FBXO9: variants seen among roughly 807,000 people sequenced by gnomAD.
FBXO9 encodes the protein F-box only protein 9.
A neutral mutation model predicts 63.7 loss-of-function variants in FBXO9; 43 were observed. The ratio of observed to expected loss-of-function variants is 0.67; its 90% CI spans 0.53 to 0.87. The LOEUF is 0.87. Ranked by LOEUF, FBXO9 falls within the 40% of genes least tolerant of loss-of-function variation. FBXO9 has a pLI of 0.00. For missense variants in FBXO9, 442 were observed against 533.2 expected (o/e 0.83, Z 1.68); for synonymous variants, 156 against 171.7 (o/e 0.91, Z 0.72).
rs1312826579 is a variant in FBXO9 at position 53,092,787 on chromosome 6, G to A, written c.826G>A (p.Gly276Ser). 5 of 1,612,358 alleles carry A rather than the reference G, an allele frequency of 3.1e-6. No individual in the cohort carries two copies. The highest frequency in any genetic ancestry group is 4.2e-6 in the Non-Finnish European group (5 of 1,178,908). ...TCGTCAAGGGGAACAGTCTCTTGAT[G>A]GTTTCTATAGAGCCTGGCACCAAGT... ...YIRQGEQSLD[G>S]FYRAWHQVEY... is the part of the protein sequence containing the mutation. Residue 276 changes from glycine to serine, a missense_variant, in exon 9 of 13, where the codon GGT (glycine) becomes AGT (serine). This residue lies in a region of FBXO9 where 262 missense variants were observed against 362.1 expected (regional missense o/e 0.72). Coordinates refer to ENST00000323557, the MANE Select transcript of FBXO9 (RefSeq NM_033480.3).
chr6:53,082,472 G>A (rs1233887017), intron 6 of FBXO9, 32 bp from the exon 7 acceptor site: 3 of 1,403,692 alleles, frequency 2.1e-6, no homozygotes, highest in Middle Eastern at 1.8e-4. Flanking sequence ...TGACATAGAG[G>A]AGAGTCACTG....
chr6:53,070,586 CTA>C (rs1190979280), intron 1 of FBXO9, among the ~76,000 whole-genome samples: 1 of 152,042 alleles, frequency 6.6e-6, no homozygotes, highest in Non-Finnish European at 1.5e-5. Context: ...ACTACAAGAA[CTA>C]TTTACATGGC....
intron 1 of FBXO9, among the ~76,000 whole-genome samples, chr6:53,066,452 C>G (rs906372970): frequency 2.6e-5 from 4 of 152,226 alleles, no homozygotes. Context: ...TATTGGAATA[C>G]GTAGTCTCTG....
chr6:53,081,930 G>A (rs567371500), intron 6 of FBXO9, among the ~76,000 whole-genome samples: 4 of 152,154 alleles, frequency 2.6e-5, no homozygotes, highest in Middle Eastern at 6.8e-3. Flanking sequence ...TTAGCTGGGC[G>A]TCGTGGCGCA....
At chr6:53,077,783 G>A (rs1769171366) in intron 4 of FBXO9, among the ~76,000 whole-genome samples, 2 of 152,182 alleles carry the variant, frequency 1.3e-5, no homozygotes, top group Admixed American at 1.3e-4. Flanking sequence ...AAGTCCCTGT[G>A]CAGCCTTCAT....
At chr6:53,088,232 G>A (rs983409784) in intron 7 of FBXO9, among the ~76,000 whole-genome samples, 7 of 151,852 alleles carry the variant, frequency 4.6e-5, no homozygotes, top group African/African-American at 1.7e-4. Context: ...TGGTTCACAT[G>A]TCATAAGCAG....
chr6:53,093,999 T>A (rs1371252795), intron 11 of FBXO9, 21 bp downstream of exon 11: 2 of 1,474,494 alleles, frequency 1.4e-6, no homozygotes, highest in East Asian at 5.0e-5. Flanking sequence ...GAGGTGTAAT[T>A]AATAGTTTTC....
intron 7 of FBXO9, among the ~76,000 whole-genome samples, chr6:53,086,917 T>A (rs1333552981): frequency 6.6e-6 from 1 of 151,828 alleles, no homozygotes; most frequent in African/African-American, 2.4e-5. Flanking sequence ...ATTAGCTGGG[T>A]GTGGTGGTGC....
At chr6:53,091,224 G>A (rs1206051040) in intron 7 of FBXO9, 1 of 152,200 alleles carries the variant, frequency 6.6e-6, no homozygotes, top group African/African-American at 2.4e-5. Context: ...AATAGTCTCT[G>A]CACTCCAGCG....
intron 5 of FBXO9, 142 bp from the exon 6 acceptor site, chr6:53,080,826 T>A: frequency 1.2e-6 from 1 of 808,928 alleles, no homozygotes; most frequent in Non-Finnish European, 1.9e-6. Context: ...GATAAATTCA[T>A]CACATTTAAA....
At chr6:53,084,314 G>C (rs1439421596) in intron 7 of FBXO9, among the ~76,000 whole-genome samples, 2 of 152,076 alleles carry the variant, frequency 1.3e-5, no homozygotes, top group Non-Finnish European at 2.9e-5. Context: ...GATTTATCTA[G>C]GTACAGCATG....
rs1352604729 is a variant in FBXO9 at position 53,098,851 on chromosome 6, T to C, written c.*1021T>C. On this transcript the variant is annotated 3_prime_UTR_variant, in exon 13 of 13. Coordinates refer to ENST00000323557, the MANE Select transcript of FBXO9 (RefSeq NM_033480.3). ...GCACCAGCCACCTAGGAAAACTGTA[T>C]GTTACCTTTTTACTCAAAGGAGTCC... 4 of 152,220 alleles carry C rather than the reference T, an allele frequency of 2.6e-5. No individual in the cohort carries two copies. The highest frequency in any genetic ancestry group is 7.2e-5 in the African/African-American group (3 of 41,446). 9.4% of individuals were successfully genotyped at this position (152,220 alleles called of 1,614,324 possible). A position where few individuals can be genotyped will look rare whatever the true frequency, so the allele number is the denominator to read the frequency against.
In FBXO9 at chr6:53,080,958, CT is replaced by C; in HGVS notation, c.408-4del. The stretch of plus-strand genomic sequence containing the variant: ...TGAGGCACTTAATTTATTCACCTCC[CT>C]TTTTTCAGCATTGAAGATAATGATG... On this transcript the variant is annotated splice_polypyrimidine_tract_variant and intron_variant, in intron 5 of 12. Transcript: ENST00000323557. 4 of 1,613,176 alleles carry C rather than the reference CT, an allele frequency of 2.5e-6. No homozygotes were observed. The highest frequency in any genetic ancestry group is 2.5e-6 in the Non-Finnish European group (3 of 1,179,704).
intron 7 of FBXO9, chr6:53,090,901 G>A (rs1763021903): frequency 6.6e-6 from 1 of 151,980 alleles, no homozygotes; most frequent in Non-Finnish European, 1.5e-5. Flanking sequence ...ATTTTTTTAA[G>A]AGACAGGGTC....
chr6:53,071,377 C>T (rs1454944571), intron 2 of FBXO9, among the ~76,000 whole-genome samples: 1 of 152,178 alleles, frequency 6.6e-6, no homozygotes, highest in Non-Finnish European at 1.5e-5. Flanking sequence ...CTAAGGCTTA[C>T]GCATGACTCA....
chr6:53,065,832 C>A, intron 1 of FBXO9, 40 bp downstream of exon 1: 1 of 1,314,232 alleles, frequency 7.6e-7, no homozygotes, highest in African/African-American at 1.5e-5. Context: ...CGCCGCGGGG[C>A]GGGAGCGTGG....
At chr6:53,075,292 C>A (rs1267189082) in intron 3 of FBXO9, among the ~76,000 whole-genome samples, 1 of 151,278 alleles carries the variant, frequency 6.6e-6, no homozygotes, top group Non-Finnish European at 1.5e-5. Context: ...CCGTCAGTAA[C>A]GCTGGGCTAA....
chr6:53,100,295 G>A lies in FBXO9; in HGVS notation c.*2465G>A, dbSNP rs1281320412. On this transcript the variant is annotated 3_prime_UTR_variant, in exon 13 of 13. Transcript: ENST00000323557. The stretch of plus-strand genomic sequence containing the variant: ...TTAACTTCAGGAGTGTCCTTCCTTT[G>A]CTCTATTAGGACATTACAGAAACCA... 1 of 152,118 alleles carries A rather than the reference G, an allele frequency of 6.6e-6. No individual in the cohort carries two copies. The highest frequency in any genetic ancestry group is 1.5e-5 in the Non-Finnish European group (1 of 68,022). 9.4% of individuals were successfully genotyped at this position (152,118 alleles called of 1,614,324 possible). A position where few individuals can be genotyped will look rare whatever the true frequency, so the allele number is the denominator to read the frequency against.
Position 53,093,546 on chromosome 6 carries a change from G to A in FBXO9, c.944G>A (p.Arg315Lys). ...EEPQSIVPRLRTRNTRTDAIL... is the reference protein window; with the variant it reads ...EEPQSIVPRLKTRNTRTDAIL... ...CCTCAGTCCATTGTTCCACGTTTAA[G>A]AACTAGGAATACCAGGTAGCATTTG... Residue 315 changes from arginine (R) to lysine (K), a missense_variant, in exon 10 of 13, where the codon AGA becomes AAA. Arg to Lys is a conservative substitution (Grantham distance 26, BLOSUM62 2). Coordinates refer to ENST00000323557, the MANE Select transcript of FBXO9 (RefSeq NM_033480.3). The A allele has an allele frequency of 6.2e-7, 1 of 1,612,854 alleles. No homozygotes were observed. Among genetic ancestry groups the A allele is most frequent in the Admixed American group, 1.7e-5 (1 of 59,912 alleles).
Sources: allele counts gnomAD v4.1 joint callset (sites outside exome capture counted in the v4.1 genomes callset), GRCh38; gene constraint gnomAD v4.1.1; regional missense constraint gnomAD v4.1.1; transcripts MANE v1.5; gene names NCBI Gene and HGNC (gene_info 2026-07-23, HGNC 2026-07-21).